Variants in NPAS3 observed in about 807,000 individuals in gnomAD.
NPAS3 encodes neuronal PAS domain protein 3.
NPAS3 carries 14 observed loss-of-function variants against 73.1 expected under a neutral mutation model. The observed-to-expected ratio is 0.19, with a 90% confidence interval of 0.13 to 0.30. The LOEUF (loss-of-function observed/expected upper bound fraction) is 0.30. Ranked by LOEUF, NPAS3 falls within the 10% of genes least tolerant of loss-of-function variation. NPAS3 has a pLI of 1.00. For synonymous variants in NPAS3, 620 were observed against 541.5 expected (o/e 1.14, Z -2.01); for missense variants, 1,096 against 1,250.0 (o/e 0.88, Z 1.86).
At chr14:33,496,051 A>G (rs749367602) in intron 4 of NPAS3, among the ~76,000 whole-genome samples, 19 of 152,128 alleles carry the variant, frequency 1.2e-4, no homozygotes, top group Non-Finnish European at 2.1e-4. Flanking sequence ...AATACAAACT[A>G]CCATCAGAAA....
At chr14:33,102,550 C>A (rs2042606651) in intron 2 of NPAS3, among the ~76,000 whole-genome samples, 1 of 152,072 alleles carries the variant, frequency 6.6e-6, no homozygotes, top group East Asian at 1.9e-4. Context: ...TAGTAAGTGC[C>A]CAATAAATGT....
At chr14:33,186,545 T>C (rs868507028) in intron 2 of NPAS3, among the ~76,000 whole-genome samples, 13 of 152,224 alleles carry the variant, frequency 8.5e-5, no homozygotes, top group Non-Finnish European at 1.5e-4. Flanking sequence ...CATGTCATGA[T>C]GATAGCTCAA....
chr14:33,545,087 A>C (rs1301091344), intron 4 of NPAS3, among the ~76,000 whole-genome samples: 1 of 151,696 alleles, frequency 6.6e-6, no homozygotes, highest in Non-Finnish European at 1.5e-5. Context: ...GAAGTAAACA[A>C]AGTCTTTCTC....
intron 2 of NPAS3, among the ~76,000 whole-genome samples, chr14:33,068,140 A>T (rs1471954648): frequency 6.6e-6 from 1 of 152,246 alleles, no homozygotes; most frequent in South Asian, 2.1e-4. Context: ...CTGCTTCATA[A>T]ATAGTTACCA....
At chr14:33,133,298 C>G (rs1297478295) in intron 2 of NPAS3, among the ~76,000 whole-genome samples, 1 of 152,110 alleles carries the variant, frequency 6.6e-6, no homozygotes, top group Admixed American at 6.6e-5. Flanking sequence ...TATCTTAAGG[C>G]ACATCTGACA....
chr14:33,455,465 C>A (rs2049984360), intron 4 of NPAS3, among the ~76,000 whole-genome samples: 1 of 152,210 alleles, frequency 6.6e-6, no homozygotes, highest in South Asian at 2.1e-4. Context: ...AGTTTCATAT[C>A]ATTCCTAGAA....
chr14:33,546,028 T>C lies in NPAS3; in HGVS notation c.469-14093T>C, dbSNP rs146205664. Among the ~76,000 whole-genome samples the C allele has an allele frequency of 3.3e-5, 5 of 152,322 alleles. 1 individual carries two copies. Among genetic ancestry groups the C allele is most frequent in the African/African-American group, 1.2e-4 (5 of 41,574 alleles). On this transcript the variant is annotated intron_variant, in intron 4 of 11. Coordinates refer to ENST00000356141, the Ensembl canonical transcript of NPAS3. ...TCTTCTTCATTCCTCAATCCTCTTC[T>C]TCTGGGGGCTCCTGTTAAGGCCTTC...
chr14:33,149,005 A>G (rs1273578627), intron 2 of NPAS3, among the ~76,000 whole-genome samples: 1 of 152,128 alleles, frequency 6.6e-6, no homozygotes, highest in Non-Finnish European at 1.5e-5. Flanking sequence ...CTGGCCTTGC[A>G]TCGTATTTCT....
intron 2 of NPAS3, among the ~76,000 whole-genome samples, chr14:33,192,118 A>G (rs1231532689): frequency 6.6e-6 from 1 of 152,058 alleles, no homozygotes; most frequent in African/African-American, 2.4e-5. Context: ...TGGACATTGA[A>G]CTCTGGCTCT....
At chr14:33,013,549 T>C (rs1337508437) in intron 1 of NPAS3, among the ~76,000 whole-genome samples, 1 of 152,156 alleles carries the variant, frequency 6.6e-6, no homozygotes, top group African/African-American at 2.4e-5. Context: ...CACAGAAATA[T>C]AACCATTTAA....
intron 2 of NPAS3, among the ~76,000 whole-genome samples, chr14:33,093,186 T>C (rs2042287329): frequency 6.6e-6 from 1 of 152,174 alleles, no homozygotes; most frequent in Non-Finnish European, 1.5e-5. Flanking sequence ...ACAGGCAACC[T>C]ACAGAATGGG....
chr14:33,702,947 A>G (rs1406776051), intron 6 of NPAS3, among the ~76,000 whole-genome samples: 1 of 152,194 alleles, frequency 6.6e-6, no homozygotes, highest in Non-Finnish European at 1.5e-5. Flanking sequence ...TAGAAGATAT[A>G]AGCCACATTA....
At chr14:33,627,377 G>T (rs556569533) in intron 5 of NPAS3, among the ~76,000 whole-genome samples, 19 of 152,120 alleles carry the variant, frequency 1.2e-4, no homozygotes, top group African/African-American at 4.6e-4. Context: ...TGGCAATTTT[G>T]GGTCCTAGCT....
intron 4 of NPAS3, among the ~76,000 whole-genome samples, chr14:33,464,315 T>C (rs2050409265): frequency 6.6e-6 from 1 of 152,182 alleles, no homozygotes; most frequent in Admixed American, 6.5e-5. Context: ...GTTAATTTTT[T>C]TTATTTTCAT....
chr14:33,584,838 A>T (rs1229477796), intron 5 of NPAS3, among the ~76,000 whole-genome samples: 1 of 152,156 alleles, frequency 6.6e-6, no homozygotes, highest in Admixed American at 6.5e-5. Context: ...CTTACTGAGG[A>T]CATTTATGAC....
At chr14:33,214,843 T>C (rs1206548849) in intron 2 of NPAS3, 3 of 228,954 alleles carry the variant, frequency 1.3e-5, no homozygotes, top group Non-Finnish European at 2.5e-5. Context: ...ACTTATAAAT[T>C]GATTCTAGTT....
chr14:33,667,026 A>T lies in NPAS3; in HGVS notation c.559-9185A>T, dbSNP rs1269542747. ...AGTAGCCGCATTTTAAAAAGTAAAA[A>T]CAAGTGAGAAGAATTTCAATGATTA... On this transcript the variant is annotated intron_variant, in intron 5 of 11. Coordinates refer to ENST00000356141, the Ensembl canonical transcript of NPAS3. Among the ~76,000 whole-genome samples, 3 of 152,224 alleles carry T rather than the reference A, an allele frequency of 2.0e-5. 1 individual carries two copies. The highest frequency in any genetic ancestry group is 2.9e-5 in the Non-Finnish European group (2 of 68,046).
chr14:33,437,057 G>A (rs1308220718), intron 4 of NPAS3, among the ~76,000 whole-genome samples: 1 of 152,154 alleles, frequency 6.6e-6, no homozygotes, highest in African/African-American at 2.4e-5. Context: ...TGGAGTAACA[G>A]CCTCTAGTGG....
intron 3 of NPAS3, among the ~76,000 whole-genome samples, chr14:33,217,788 G>A (rs2047279976): frequency 6.6e-6 from 1 of 152,134 alleles, no homozygotes; most frequent in African/African-American, 2.4e-5. Flanking sequence ...CTCATTTTAT[G>A]AGGGATAGTT....
Sources: gnomAD v4.1 joint callset for allele counts (sites outside exome capture counted in the v4.1 genomes callset) on GRCh38, gnomAD v4.1.1 for gene constraint, MANE v1.5 for transcripts, NCBI Gene and HGNC (gene_info 2026-07-23, HGNC 2026-07-21) for gene names.